Variants in OTUD7A observed in about 807,000 individuals in gnomAD.
OTUD7A encodes the protein OTU deubiquitinase 7A.
OTUD7A carries 12 observed loss-of-function variants against 65.7 expected under a neutral mutation model. That is an observed-to-expected ratio of 0.18 (90% CI 0.12 to 0.30). The LOEUF is 0.30. Ranked by LOEUF, OTUD7A falls within the 10% of genes least tolerant of loss-of-function variation. OTUD7A has a pLI of 1.00. For synonymous variants in OTUD7A, 641 were observed against 586.3 expected (o/e 1.09, Z -1.35); for missense variants, 1,148 against 1,304.8 (o/e 0.88, Z 1.85).
intron 3 of OTUD7A, among the ~76,000 whole-genome samples, chr15:31,628,607 T>C (rs1446899403): frequency 6.6e-6 from 1 of 152,154 alleles, no homozygotes; most frequent in African/African-American, 2.4e-5. Context: ...AACTTTAAAG[T>C]AGTTTTTTCC....
At chr15:31,739,406 A>G (rs1382777584) in intron 1 of OTUD7A, among the ~76,000 whole-genome samples, 1 of 152,242 alleles carries the variant, frequency 6.6e-6, no homozygotes, top group Non-Finnish European at 1.5e-5. Context: ...ATGAAATAAT[A>G]TCTTAAAAGT....
At chr15:31,733,672 C>T (rs1894109916) in intron 1 of OTUD7A, among the ~76,000 whole-genome samples, 1 of 152,178 alleles carries the variant, frequency 6.6e-6, no homozygotes, top group South Asian at 2.1e-4. Flanking sequence ...TAATACCCGA[C>T]AAATATCTGC....
intron 1 of OTUD7A, among the ~76,000 whole-genome samples, chr15:31,774,380 T>C (rs1447367178): frequency 6.6e-6 from 1 of 152,266 alleles, no homozygotes; most frequent in East Asian, 1.9e-4. Context: ...TTAGACTGCT[T>C]TAAAATGTCT....
At chr15:31,674,647 G>T (rs999418699) in intron 1 of OTUD7A, among the ~76,000 whole-genome samples, 3 of 152,194 alleles carry the variant, frequency 2.0e-5, no homozygotes, top group African/African-American at 7.2e-5. Flanking sequence ...CAATCTGCAT[G>T]TGCCATGCTG....
intron 1 of OTUD7A, among the ~76,000 whole-genome samples, chr15:31,664,134 C>G (rs971511733): frequency 6.6e-6 from 1 of 152,160 alleles, no homozygotes; most frequent in African/African-American, 2.4e-5. Context: ...TACAAACATG[C>G]GTGTGCAAGT....
At position 31,764,023 on chromosome 15, in the gene OTUD7A, T is replaced by A. The variant is rs76568948; in HGVS notation, c.-100+106484A>T. Among the ~76,000 whole-genome samples the A allele has an allele frequency of 1.4e-4, 22 of 152,308 alleles. No individual in the cohort carries two copies. In the East Asian group the frequency reaches 4.1e-3, roughly 28 times the overall value. On this transcript the variant is annotated intron_variant, in intron 1 of 12. Transcript: ENST00000307050. The stretch of plus-strand genomic sequence containing the variant: ...GTCAATGGAGCTGCTCTGAAAGATA[T>A]GTTAATGGAAGTTTCTCAGACAAGA...
chr15:31,562,959 A>G lies in OTUD7A; in HGVS notation c.332-3772T>C, dbSNP rs16956873. 3.5e-3 allele frequency among the ~76,000 whole-genome samples: 538 copies of G among 152,322 alleles called. 4 individuals are homozygous for G. The highest frequency in any genetic ancestry group is 0.013 in the African/African-American group (524 of 41,564). ...CTATGGTTTCAGGAAGAACTCAACT[A>G]AAGGAGACATAAATTTAATTCAGAA... On this transcript the variant is annotated intron_variant, in intron 4 of 12. Coordinates refer to ENST00000307050, the MANE Select transcript of OTUD7A (RefSeq NM_001382637.1).
At chr15:31,721,151 G>T (rs1206880940) in intron 1 of OTUD7A, among the ~76,000 whole-genome samples, 1 of 152,268 alleles carries the variant, frequency 6.6e-6, no homozygotes, top group Non-Finnish European at 1.5e-5. Flanking sequence ...TATCCCTGTG[G>T]TCAAGCAACA....
chr15:31,508,199 G>C (rs1398823662), intron 8 of OTUD7A, among the ~76,000 whole-genome samples: 1 of 152,178 alleles, frequency 6.6e-6, no homozygotes, highest in Non-Finnish European at 1.5e-5. Flanking sequence ...AGTAGGGCTT[G>C]ATTTTAGTAT....
At chr15:31,623,139 G>T (rs1890848032) in intron 3 of OTUD7A, among the ~76,000 whole-genome samples, 1 of 152,196 alleles carries the variant, frequency 6.6e-6, no homozygotes, top group Admixed American at 6.5e-5. Flanking sequence ...CGTCTCAGAG[G>T]GGTACCCAGC....
chr15:31,495,841 A>G (rs1305127960), intron 10 of OTUD7A, among the ~76,000 whole-genome samples: 2 of 152,102 alleles, frequency 1.3e-5, no homozygotes, highest in African/African-American at 4.8e-5. Context: ...TGAGGTGGAC[A>G]GATCACTTGA....
At chr15:31,869,151 T>C (rs1897955895) in intron 1 of OTUD7A, among the ~76,000 whole-genome samples, 1 of 152,222 alleles carries the variant, frequency 6.6e-6, no homozygotes, top group Non-Finnish European at 1.5e-5. Flanking sequence ...ACACTCACAA[T>C]AAAATAATGG....
At chr15:31,573,122 T>G (rs1008160710) in intron 3 of OTUD7A, among the ~76,000 whole-genome samples, 14 of 152,172 alleles carry the variant, frequency 9.2e-5, no homozygotes, top group Admixed American at 2.6e-4. Flanking sequence ...TTTTTAAATA[T>G]GTAAGCAAAA....
At chr15:31,596,864 C>A (rs1010300104) in intron 3 of OTUD7A, among the ~76,000 whole-genome samples, 3 of 151,998 alleles carry the variant, frequency 2.0e-5, no homozygotes, top group Non-Finnish European at 4.4e-5. Context: ...ATTCTAGATA[C>A]AAGTGCTCTA....
chr15:31,630,621 A>G (rs1024754285), intron 3 of OTUD7A, among the ~76,000 whole-genome samples: 24 of 152,206 alleles, frequency 1.6e-4, no homozygotes, highest in Admixed American at 8.5e-4. Flanking sequence ...TGCAGAGCTG[A>G]GTTCATTTCC....
chr15:31,622,930 A>C (rs1890838338), intron 3 of OTUD7A, among the ~76,000 whole-genome samples: 2 of 152,194 alleles, frequency 1.3e-5, no homozygotes, highest in Admixed American at 1.3e-4. Flanking sequence ...GGTGACGTAC[A>C]GATGGGGTTT....
chr15:31,689,960 T>C (rs1282941698), intron 1 of OTUD7A, among the ~76,000 whole-genome samples: 1 of 152,226 alleles, frequency 6.6e-6, no homozygotes, highest in Non-Finnish European at 1.5e-5. Context: ...GTACACCCCA[T>C]CTCGACTGGG....
At chr15:31,588,773 AGCAGCCCACTCAACCAGC>A (rs1889624691) in intron 3 of OTUD7A, among the ~76,000 whole-genome samples, 1 of 152,212 alleles carries the variant, frequency 6.6e-6, no homozygotes, top group Non-Finnish European at 1.5e-5. Flanking sequence ...CCTGGGCGGC[AGCAGCCCACTCAACCAGC>A]AGGGACAGGG....
chr15:31,758,135 G>A lies in OTUD7A; in HGVS notation c.-99-101058C>T, dbSNP rs73378650. 7.8e-3 allele frequency among the ~76,000 whole-genome samples: 1,181 copies of A among 152,238 alleles called. 16 individuals carry two copies. Among genetic ancestry groups the A allele is most frequent in the African/African-American group, 0.027 (1,115 of 41,542 alleles). ...ACTGAGGGACCTTAAAAGTCATGTA[G>A]TCAAAGTTCAAAAACTGCCTCAAGA... On this transcript the variant is annotated intron_variant, in intron 1 of 12. Transcript: ENST00000307050.
Sources: allele counts gnomAD v4.1 joint callset (sites outside exome capture counted in the v4.1 genomes callset), GRCh38; gene constraint gnomAD v4.1.1; transcripts MANE v1.5; gene names NCBI Gene and HGNC (gene_info 2026-07-23, HGNC 2026-07-21).